The following HAUS1 variants were observed in gnomAD, a reference collection of about 807,000 sequenced individuals.
The protein encoded by HAUS1 is HAUS augmin like complex subunit 1.
In HAUS1, 25 loss-of-function variants were observed where a neutral mutation model predicts 38.6. The ratio of observed to expected loss-of-function variants is 0.65; its 90% confidence interval spans 0.47 to 0.91. The LOEUF (loss-of-function observed/expected upper bound fraction) is 0.91, where lower values mean the gene tolerates loss of function less well. Ranked by LOEUF, HAUS1 falls within the 40% of genes least tolerant of loss-of-function variation. The probability of loss-of-function intolerance (pLI) is 0.00; values close to 1 mark genes in which losing one functional copy is unlikely to be tolerated. For synonymous variants in HAUS1, 109 were observed against 112.9 expected, an observed-to-expected ratio of 0.97 and a Z score of 0.22; for missense variants, 325 against 328.4, an observed-to-expected ratio of 0.99 and a Z score of 0.08.
At chr18:46,105,494 T>A (rs1911439130) in intron 2 of HAUS1, 126 bp downstream of exon 2, 2 of 726,356 alleles carry the variant, frequency 2.8e-6, no homozygotes, top group Non-Finnish European at 4.5e-6. Flanking sequence ...CCAGATTTTC[T>A]TCCACTCTGT....
At chr18:46,119,887 C>G in intron 3 of HAUS1, 39 bp from the exon 4 acceptor site, 1 of 1,483,452 alleles carries the variant, frequency 6.7e-7, no homozygotes, top group Non-Finnish European at 9.0e-7. Context: ...ATAATTATTG[C>G]CCATTAAGCC....
chr18:46,113,633 G>A (rs1911730644), intron 2 of HAUS1, among the ~76,000 whole-genome samples: 1 of 152,066 alleles, frequency 6.6e-6, no homozygotes. Flanking sequence ...AGTTTTTCCT[G>A]ATAAAGCCAA....
Position 46,125,730 on chromosome 18 carries a change from A to T in HAUS1, c.739-14A>T, listed in dbSNP as rs748045872. 1.9e-6 allele frequency: 3 copies of T among 1,555,478 alleles called. No individual in the cohort carries two copies. Among genetic ancestry groups the T allele is most frequent in the South Asian group, 2.3e-5 (2 of 87,332 alleles). On this transcript the variant is annotated splice_polypyrimidine_tract_variant and intron_variant, in intron 7 of 8. Coordinates refer to ENST00000282058, the MANE Select transcript of HAUS1 (RefSeq NM_138443.4). ...AGGCAATATAACCTTTCCTTGTTTT[A>T]TTTTTTTTTAAAGAATCCGTCTCTT...
intron 8 of HAUS1, among the ~76,000 whole-genome samples, chr18:46,126,976 A>G (rs1248271531): frequency 1.3e-5 from 2 of 151,964 alleles, no homozygotes; most frequent in African/African-American, 4.8e-5. Flanking sequence ...CTGGAACTAC[A>G]GGCACCTGCC....
rs188633470 is a variant in HAUS1, at chr18:46,124,302, C to T, written c.667-520C>T. The stretch of plus-strand genomic sequence containing the variant: ...GCACATGCCTGTAATCCCAGCTACT[C>T]AGGAGGCTGAGGCAGGAGAAAGAAG... On this transcript the variant is annotated intron_variant, in intron 6 of 8. Transcript: ENST00000282058. Among the ~76,000 whole-genome samples the T allele has an allele frequency of 9.1e-4, 137 of 149,920 alleles. 2 individuals carry two copies. The highest frequency in any genetic ancestry group is 1.9e-3 in the African/African-American group (78 of 40,676).
At chr18:46,106,206 T>C (rs548979207) in intron 2 of HAUS1, among the ~76,000 whole-genome samples, 4 of 152,126 alleles carry the variant, frequency 2.6e-5, no homozygotes, top group Non-Finnish European at 4.4e-5. Flanking sequence ...CACGGTGGCT[T>C]ACGCCTGTAA....
intron 3 of HAUS1, 34 bp downstream of exon 3, chr18:46,118,350 A>G (rs777184068): frequency 9.2e-5 from 147 of 1,605,354 alleles, no homozygotes; most frequent in Middle Eastern, 8.8e-4. Context: ...TTCCGCAATC[A>G]TATCTGCTAT....
At chr18:46,127,631 G>T (rs941726813) in intron 8 of HAUS1, among the ~76,000 whole-genome samples, 2 of 151,476 alleles carry the variant, frequency 1.3e-5, no homozygotes. Context: ...GCTTGAACCC[G>T]GGAAGCAGAG....
chr18:46,116,686 G>T (rs1034222192), intron 2 of HAUS1, among the ~76,000 whole-genome samples: 1 of 151,924 alleles, frequency 6.6e-6, no homozygotes, highest in Non-Finnish European at 1.5e-5. Flanking sequence ...ACAAAGCACG[G>T]CATCATTAGT....
chr18:46,126,008 G>A, intron 8 of HAUS1: 1 of 376,948 alleles, frequency 2.7e-6, no homozygotes, highest in Non-Finnish European at 4.8e-6. Flanking sequence ...TGGGCACAGT[G>A]GCTCACACCT....
chr18:46,127,221 T>G (rs1014980791), intron 8 of HAUS1, among the ~76,000 whole-genome samples: 3 of 151,290 alleles, frequency 2.0e-5, no homozygotes, highest in African/African-American at 7.3e-5. Context: ...ATCCACCTGC[T>G]TTGGCCTTCC....
chr18:46,108,129 G>C (rs756880417), intron 2 of HAUS1, among the ~76,000 whole-genome samples: 5 of 152,100 alleles, frequency 3.3e-5, no homozygotes, highest in Non-Finnish European at 5.9e-5. Flanking sequence ...CCTCCAATAT[G>C]ATGTTGGATA....
chr18:46,104,972 G>C (rs562926093), intron 1 of HAUS1, among the ~76,000 whole-genome samples: 49 of 152,166 alleles, frequency 3.2e-4, no homozygotes, highest in Non-Finnish European at 5.7e-4. Context: ...AGAACGGATT[G>C]TTCTCTGGTA....
chr18:46,125,214 C>A (rs1027330988), intron 7 of HAUS1, among the ~76,000 whole-genome samples: 1 of 151,384 alleles, frequency 6.6e-6, no homozygotes, highest in African/African-American at 2.4e-5. Flanking sequence ...GAGCTAAGAT[C>A]GTGCCACCAC....
intron 2 of HAUS1, among the ~76,000 whole-genome samples, chr18:46,116,572 A>G (rs1247067667): frequency 2.0e-5 from 3 of 151,550 alleles, no homozygotes; most frequent in Non-Finnish European, 4.4e-5. Flanking sequence ...AAAAAAAAAT[A>G]ACGACAAAAA....
At chr18:46,118,707 A>G (rs1911857744) in intron 3 of HAUS1, among the ~76,000 whole-genome samples, 1 of 152,166 alleles carries the variant, frequency 6.6e-6, no homozygotes, top group African/African-American at 2.4e-5. Flanking sequence ...TTACTTATAT[A>G]ATAACATGAT....
Position 46,112,279 on chromosome 18 carries a change from T to A in HAUS1, c.206-5902T>A, listed in dbSNP as rs375071401. On this transcript the variant is annotated intron_variant, in intron 2 of 8. Transcript: ENST00000282058. The stretch of plus-strand genomic sequence containing the variant: ...GTATATATATTCCATATTATATATA[T>A]AATATATAATGTGTATATATATTCC... 1.7e-3 allele frequency among the ~76,000 whole-genome samples: 158 copies of A among 95,750 alleles called. 2 individuals are homozygous for A. Among genetic ancestry groups the A allele is most frequent in the Non-Finnish European group, 2.8e-3 (125 of 44,004 alleles). The allele number at this position is 95,750 out of a possible 152,430, so 62.8% of individuals were successfully genotyped here.
In HAUS1 at chr18:46,122,487, T is replaced by C. The variant is rs753824671; in HGVS notation, c.497T>C (p.Leu166Ser). 3 of 1,613,710 alleles carry C rather than the reference T, an allele frequency of 1.9e-6. No individual in the cohort carries two copies. The South Asian group carries it at 3.3e-5, about 18-fold the overall frequency. The change falls in exon 5 of 9, where the codon TTG becomes TCG. Residue 166 changes from leucine (L) to serine (S), a missense_variant. Transcript: ENST00000282058. Reference protein sequence around the residue: ...CLQEDVKKAELHLSTERAKVD... With the variant: ...CLQEDVKKAESHLSTERAKVD... ...TAAAGGGATGTCAAGAAAGCAGAGT[T>C]GCATCTGTCTACAGAAAGGGCCAAA...
At chr18:46,109,253 A>G (rs952689177) in intron 2 of HAUS1, among the ~76,000 whole-genome samples, 2 of 152,014 alleles carry the variant, frequency 1.3e-5, no homozygotes, top group Admixed American at 6.6e-5. Context: ...ACACTTTTGA[A>G]CCATCAGATC....
Sources: gnomAD v4.1 joint callset for allele counts (sites outside exome capture counted in the v4.1 genomes callset) on GRCh38, gnomAD v4.1.1 for gene constraint, MANE v1.5 for transcripts, NCBI Gene and HGNC (gene_info 2026-07-23, HGNC 2026-07-21) for gene names.